The following RHCE variants were observed in gnomAD, a reference collection of about 807,000 sequenced individuals.
RHCE encodes Rh blood group CcEe antigens.
In RHCE, 22 loss-of-function variants were observed where a neutral mutation model predicts 43.8. That is an observed-to-expected ratio of 0.50 (90% CI 0.36 to 0.72). The LOEUF is 0.72. Ranked by LOEUF, RHCE falls within the 30% of genes least tolerant of loss-of-function variation. The pLI, the probability that RHCE is intolerant of heterozygous loss-of-function variation, is 0.00. For missense variants in RHCE, 385 were observed against 525.4 expected (o/e 0.73, Z 2.61); for synonymous variants, 156 against 210.7 (o/e 0.74, Z 2.25).
chr1:25,379,088 T>C (rs535488174), intron 7 of RHCE, among the ~76,000 whole-genome samples: 14 of 152,248 alleles, frequency 9.2e-5, no homozygotes, highest in Admixed American at 6.5e-5. Context: ...AATAATTATA[T>C]ATAGCTCATG....
At position 25,387,705 on chromosome 1, in the gene RHCE, C is replaced by A. The variant is rs1028795715; in HGVS notation, c.939+1271G>T. 2.6e-5 allele frequency among the ~76,000 whole-genome samples: 4 copies of A among 152,200 alleles called. No homozygotes were observed. The East Asian group carries it at 7.7e-4, about 29-fold the overall frequency. Reference sequence around the variant, plus strand: ...GTTTTGGTCAATCGAAGTATTGATACGTTTTTCCTTATTTATTTTATTTTA... The same window carrying A: ...GTTTTGGTCAATCGAAGTATTGATAAGTTTTTCCTTATTTATTTTATTTTA... On this transcript the variant is annotated intron_variant, in intron 6 of 9. Coordinates refer to ENST00000294413, the MANE Select transcript of RHCE (RefSeq NM_020485.8).
chr1:25,418,981 C>T (rs1162610021), intron 1 of RHCE, among the ~76,000 whole-genome samples: 1 of 152,178 alleles, frequency 6.6e-6, no homozygotes, highest in Non-Finnish European at 1.5e-5. Context: ...TGACTCAACG[C>T]CACTGTAAAA....
intron 3 of RHCE, among the ~76,000 whole-genome samples, chr1:25,395,265 A>G (rs1428643933): frequency 1.4e-5 from 2 of 146,300 alleles, no homozygotes; most frequent in African/African-American, 5.2e-5. Flanking sequence ...CAGAATTGAG[A>G]CTAACTGAGA....
At position 25,420,816 on chromosome 1, in the gene RHCE, C is replaced by A; in HGVS notation, c.-30G>T. The stretch of plus-strand genomic sequence containing the variant: ...TGTCCGTCTCTGTGCAGGGGTTCCA[C>A]CAGCACCAGGCATCACCCCTCTCTC... On this transcript the variant is annotated 5_prime_UTR_variant, in exon 1 of 10. Transcript: ENST00000294413. The A allele has an allele frequency of 6.2e-7, 1 of 1,603,708 alleles. No individual in the cohort carries two copies. The highest frequency in any genetic ancestry group is 1.1e-5 in the South Asian group (1 of 90,386).
chr1:25,412,089 C>T (rs1647098215), intron 1 of RHCE, among the ~76,000 whole-genome samples: 1 of 152,224 alleles, frequency 6.6e-6, no homozygotes, highest in South Asian at 2.1e-4. Context: ...GAAAGCCCCA[C>T]AACTTGGAGA....
intron 3 of RHCE, among the ~76,000 whole-genome samples, chr1:25,400,162 T>A (rs2124466392): frequency 1.3e-5 from 2 of 152,302 alleles, no homozygotes; most frequent in Admixed American, 1.3e-4. Flanking sequence ...GCCCTCCTGC[T>A]TCTCCTCCAT....
chr1:25,390,146 C>T (rs1265869054), intron 5 of RHCE, among the ~76,000 whole-genome samples: 3 of 152,246 alleles, frequency 2.0e-5, no homozygotes, highest in East Asian at 3.9e-4. Flanking sequence ...TTTGTCTCCC[C>T]TCTCACCCAT....
At position 25,408,053 on chromosome 1, in the gene RHCE, C is replaced by T. The variant is rs1302687581; in HGVS notation, c.335+630G>A. ...CTGTAATCCCAGCACTTTGGGAGGC[C>T]GAGGCAGGCCGGTCACCTGAGGTCA... On this transcript the variant is annotated intron_variant, in intron 2 of 9. Coordinates refer to ENST00000294413, the MANE Select transcript of RHCE (RefSeq NM_020485.8). Among the ~76,000 whole-genome samples the T allele has an allele frequency of 4.1e-5, 5 of 122,866 alleles. 1 individual carries two copies. The highest frequency in any genetic ancestry group is 1.0e-4 in the African/African-American group (4 of 39,654). 80.6% of individuals were successfully genotyped at this position (122,866 alleles called of 152,430 possible). A position where few individuals can be genotyped will look rare whatever the true frequency, so the allele number is the denominator to read the frequency against.
chr1:25,420,373 G>A (rs1448419851), intron 1 of RHCE, among the ~76,000 whole-genome samples: 2 of 152,140 alleles, frequency 1.3e-5, no homozygotes, highest in Non-Finnish European at 2.9e-5. Context: ...ATTTGGTAGA[G>A]GGAATTTGAG....
At chr1:25,414,580 T>C (rs1156425788) in intron 1 of RHCE, among the ~76,000 whole-genome samples, 1 of 152,154 alleles carries the variant, frequency 6.6e-6, no homozygotes, top group African/African-American at 2.4e-5. Context: ...AGTGTTTACA[T>C]GTCACTGGGA....
intron 1 of RHCE, among the ~76,000 whole-genome samples, chr1:25,409,776 A>G (rs1647015945): frequency 6.7e-6 from 1 of 148,750 alleles, no homozygotes. Context: ...TACATAGACT[A>G]TCTTGTTTCG....
intron 9 of RHCE, among the ~76,000 whole-genome samples, chr1:25,370,021 C>G (rs1254341359): frequency 1.7e-4 from 26 of 151,618 alleles, no homozygotes; most frequent in African/African-American, 2.4e-4. Context: ...TTACAGGCGT[C>G]AGCCACCGTG....
At chr1:25,405,482 G>T (rs973638091) in intron 2 of RHCE, among the ~76,000 whole-genome samples, 12 of 152,014 alleles carry the variant, frequency 7.9e-5, no homozygotes, top group African/African-American at 2.2e-4. Flanking sequence ...GTGAAACCCC[G>T]TCTCTACTAA....
intron 7 of RHCE, among the ~76,000 whole-genome samples, chr1:25,377,942 A>T (rs1389482775): frequency 1.3e-5 from 2 of 152,210 alleles, no homozygotes; most frequent in Admixed American, 1.3e-4. Context: ...ACATAGTGGG[A>T]TTCATATCCA....
intron 7 of RHCE, among the ~76,000 whole-genome samples, chr1:25,377,321 C>T (rs1645819019): frequency 6.6e-6 from 1 of 151,640 alleles, no homozygotes; most frequent in African/African-American, 2.4e-5. Context: ...CTCAGCCTCC[C>T]GAGTAGCTGA....
At chr1:25,421,702 TG>T (rs1377144324), upstream of RHCE, among the ~76,000 whole-genome samples, 1 of 152,042 alleles carries the variant, frequency 6.6e-6, no homozygotes, top group Non-Finnish European at 1.5e-5. Flanking sequence ...CTCCCATCCA[TG>T]TGCCTGGCAG....
chr1:25,394,301 T>TTA (rs1553157788), intron 3 of RHCE, among the ~76,000 whole-genome samples: 3 of 152,142 alleles, frequency 2.0e-5, no homozygotes, highest in African/African-American at 7.2e-5. Flanking sequence ...TTTTTTTTTT[T>TTA]ATCACCATGT....
chr1:25,362,521 T>C lies in RHCE; in HGVS notation c.*6A>G. 6.2e-7 allele frequency: 1 copy of C among 1,600,414 alleles called. No homozygotes were observed. On this transcript the variant is annotated 3_prime_UTR_variant, in exon 10 of 10. Coordinates refer to ENST00000294413, the MANE Select transcript of RHCE (RefSeq NM_020485.8). ...AACAGGCCTTGTTTTTCTTGGATGC[T>C]TTTGCTTAAAATCCAACAGCCAAAT... is the stretch of plus-strand genomic sequence containing the variant.
upstream of RHCE, among the ~76,000 whole-genome samples, chr1:25,423,495 C>G (rs1047028722): frequency 6.6e-6 from 1 of 152,214 alleles, no homozygotes; most frequent in East Asian, 1.9e-4. Context: ...TGATCCTGCC[C>G]CAGTAAGGAA....
Sources: allele counts gnomAD v4.1 joint callset (sites outside exome capture counted in the v4.1 genomes callset), GRCh38; gene constraint gnomAD v4.1.1; transcripts MANE v1.5; gene names NCBI Gene and HGNC (gene_info 2026-07-23, HGNC 2026-07-21).